The following MAPK10 variants were observed in gnomAD, a reference collection of about 807,000 sequenced individuals.
MAPK10 encodes mitogen-activated protein kinase 10.
In MAPK10, 25 loss-of-function variants were observed where a neutral mutation model predicts 59.3. That is an observed-to-expected ratio of 0.42 (90% CI 0.31 to 0.59). The LOEUF (loss-of-function observed/expected upper bound fraction) is 0.59, where lower values mean the gene tolerates loss of function less well. MAPK10 is among the 20% of genes least tolerant of loss of function. The pLI is 0.15. For synonymous variants in MAPK10, 190 were observed against 200.5 expected (o/e 0.95, Z 0.44); for missense variants, 351 against 568.9 (o/e 0.62, Z 3.90).
At chr4:86,358,051 T>C (rs894940807) in intron 1 of MAPK10, 3 of 983,408 alleles carry the variant, frequency 3.1e-6, no homozygotes, top group Non-Finnish European at 3.6e-6. Flanking sequence ...ATTTTAAGAG[T>C]GTGATCAAGG....
rs537178159 is a variant in MAPK10 at position 86,545,414 on chromosome 4, T to G, written c.-263+48496A>C. Among the ~76,000 whole-genome samples, 382 of 152,276 alleles carry G rather than the reference T, an allele frequency of 2.5e-3. 6 individuals carry two copies. The highest frequency in any genetic ancestry group is 2.6e-4 in the Non-Finnish European group (18 of 68,018). ...GGATGGGGGAAGCCTGAGGCAGGTGTGCTCTCTTCTGAGAACTTTCTCAAA... is the reference window on the plus strand; with the variant it reads ...GGATGGGGGAAGCCTGAGGCAGGTGGGCTCTCTTCTGAGAACTTTCTCAAA... On this transcript the variant is annotated intron_variant, in intron 1 of 4. Coordinates refer to the MAPK10 transcript ENST00000502302.
intron 2 of MAPK10, among the ~76,000 whole-genome samples, chr4:86,234,979 A>T (rs915796549): frequency 3.3e-5 from 5 of 152,192 alleles, no homozygotes; most frequent in Non-Finnish European, 5.9e-5. Flanking sequence ...AGAAAATCAT[A>T]CCAGATCATC....
intron 1 of MAPK10, among the ~76,000 whole-genome samples, chr4:86,569,369 G>A (rs1703891696): frequency 6.6e-6 from 1 of 152,044 alleles, no homozygotes; most frequent in South Asian, 2.1e-4. Flanking sequence ...AATTAAGTCA[G>A]CTCCTGTGAA....
Position 86,012,138 on chromosome 4 carries a change from A to T in MAPK10, c.*5090T>A, listed in dbSNP as rs1741515976. ...GATCTTTTTTTTCTTCATTGATTTT[A>T]TACCTTAAAAAGAAATTACTGAATT... On this transcript the variant is annotated 3_prime_UTR_variant, in exon 14 of 14. Coordinates refer to ENST00000641462, the MANE Select transcript of MAPK10 (RefSeq NM_138982.4). 1 of 152,158 alleles carries T rather than the reference A, an allele frequency of 6.6e-6. No homozygotes were observed. Among genetic ancestry groups the T allele is most frequent in the Admixed American group, 6.5e-5 (1 of 15,270 alleles). The allele number at this position is 152,158 out of a possible 1,614,324, so 9.4% of individuals were successfully genotyped here. A position where few individuals can be genotyped will look rare whatever the true frequency, so the allele number is the denominator to read the frequency against.
chr4:86,263,053 C>T (rs2094073307), intron 2 of MAPK10, among the ~76,000 whole-genome samples: 1 of 152,150 alleles, frequency 6.6e-6, no homozygotes, highest in South Asian at 2.1e-4. Flanking sequence ...CTGCAAAGGT[C>T]ACAGCTTTTG....
rs111270116 is a variant in MAPK10, at chr4:86,107,191, A to C, written c.366+32T>G. The stretch of plus-strand genomic sequence containing the variant: ...TCTTTTTCCAATCTTACAAACTCCC[A>C]CTGCCAGAAGTTTAAAAATAACAAA... On this transcript the variant is annotated intron_variant, in intron 5 of 13. Transcript: ENST00000641462. The C allele has an allele frequency of 2.1e-5, 33 of 1,572,684 alleles. 1 individual carries two copies. The African/African-American group carries it at 3.3e-4, about 16-fold the overall frequency.
chr4:86,411,402 T>C (rs1312526606), intron 1 of MAPK10, among the ~76,000 whole-genome samples: 1 of 152,214 alleles, frequency 6.6e-6, no homozygotes, highest in East Asian at 1.9e-4. Flanking sequence ...GAGAGTTGTG[T>C]AGATGTCTAT....
intron 9 of MAPK10, among the ~76,000 whole-genome samples, chr4:86,076,673 T>C (rs1351574237): frequency 2.0e-5 from 3 of 152,196 alleles, no homozygotes; most frequent in Non-Finnish European, 4.4e-5. Flanking sequence ...AAACAATTAA[T>C]TTTATCAATA....
intron 3 of MAPK10, among the ~76,000 whole-genome samples, chr4:86,166,167 C>T (rs7678480): frequency 0.16 from 23,952 of 152,102 alleles, 2,046 homozygotes; most frequent in African/African-American, 0.23. Flanking sequence ...CAAATTATTT[C>T]GTGTAAGAAT....
At chr4:86,244,697 G>A (rs545968021) in intron 2 of MAPK10, among the ~76,000 whole-genome samples, 36 of 152,178 alleles carry the variant, frequency 2.4e-4, no homozygotes, top group Admixed American at 9.2e-4. Flanking sequence ...AAGTGTGTAC[G>A]TGCATTTTGT....
At chr4:86,278,208 A>C (rs1302077092) in intron 2 of MAPK10, among the ~76,000 whole-genome samples, 2 of 152,166 alleles carry the variant, frequency 1.3e-5, no homozygotes, top group East Asian at 3.8e-4. Flanking sequence ...TGAAGTTCTT[A>C]CTAACAAATG....
intron 11 of MAPK10, among the ~76,000 whole-genome samples, chr4:86,049,139 T>C (rs755338005): frequency 2.0e-5 from 3 of 151,804 alleles, no homozygotes; most frequent in Non-Finnish European, 4.4e-5. Flanking sequence ...CACTTGAGAG[T>C]GAGGATTTAT....
chr4:86,027,006 A>G (rs1483748636), intron 13 of MAPK10: 2 of 152,182 alleles, frequency 1.3e-5, no homozygotes, highest in African/African-American at 4.8e-5. Flanking sequence ...CATAGTTGGG[A>G]AGAGAGGTAC....
intron 4 of MAPK10, among the ~76,000 whole-genome samples, chr4:86,154,415 GTATTAGTAAA>G (rs2067196136): frequency 6.6e-6 from 1 of 152,110 alleles, no homozygotes; most frequent in Non-Finnish European, 1.5e-5. Context: ...CCATGATGGA[GTATTAGTAAA>G]GTTATTTTAT....
chr4:86,259,517 T>C (rs2093898192), intron 2 of MAPK10, among the ~76,000 whole-genome samples: 1 of 152,154 alleles, frequency 6.6e-6, no homozygotes, highest in African/African-American at 2.4e-5. Context: ...GTACTGTGAA[T>C]GTGAAAATGA....
chr4:86,507,472 T>G (rs928581615), intron 1 of MAPK10, among the ~76,000 whole-genome samples: 4 of 151,306 alleles, frequency 2.6e-5, no homozygotes, highest in Non-Finnish European at 5.9e-5. Context: ...GTGATTCCAC[T>G]TCTCAGTATC....
chr4:86,265,114 C>T (rs2094177861), intron 2 of MAPK10, among the ~76,000 whole-genome samples: 1 of 152,006 alleles, frequency 6.6e-6, no homozygotes, highest in Non-Finnish European at 1.5e-5. Flanking sequence ...TGGTCTCGAT[C>T]TCTTGACCTC....
At chr4:86,359,029 C>A (rs1735891815) in intron 1 of MAPK10, among the ~76,000 whole-genome samples, 1 of 151,960 alleles carries the variant, frequency 6.6e-6, no homozygotes, top group African/African-American at 2.4e-5. Flanking sequence ...TCAGATTTAG[C>A]CTAGAGTTGC....
At chr4:86,355,472 C>T (rs931330247) in intron 1 of MAPK10, among the ~76,000 whole-genome samples, 1 of 152,040 alleles carries the variant, frequency 6.6e-6, no homozygotes, top group African/African-American at 2.4e-5. Context: ...TTCTATTGCA[C>T]TCATTATCAA....
Sources: gnomAD v4.1 joint callset for allele counts (sites outside exome capture counted in the v4.1 genomes callset) on GRCh38, gnomAD v4.1.1 for gene constraint, MANE v1.5 for transcripts, NCBI Gene and HGNC (gene_info 2026-07-23, HGNC 2026-07-21) for gene names.